Variants in ROBO1 observed in about 807,000 individuals in gnomAD.
ROBO1 encodes roundabout guidance receptor 1, also known as roundabout homolog 1.
A neutral mutation model predicts 195.9 loss-of-function variants in ROBO1; 149 were observed. The observed-to-expected ratio is 0.76, with a 90% CI of 0.67 to 0.87. The LOEUF is 0.87. Ranked by LOEUF, ROBO1 falls within the 40% of genes least tolerant of loss-of-function variation. The probability of loss-of-function intolerance (pLI) is 0.00; values close to 1 mark genes in which losing one functional copy is unlikely to be tolerated. For synonymous variants in ROBO1, 816 were observed against 733.2 expected (o/e 1.11, Z -1.82); for missense variants, 1,933 against 2,068.3 (o/e 0.93, Z 1.27).
In ROBO1 at chr3:79,235,391, G is replaced by A. The variant is rs1262791025; in HGVS notation, c.89-109852C>T. 4.5e-4 allele frequency among the ~76,000 whole-genome samples: 68 copies of A among 152,194 alleles called. No homozygotes were observed. The East Asian group carries it at 0.01, about 23-fold the overall frequency. ...TCATTATAATAGTAAGGGGCGCTGT[G>A]TAGATCCCCTCTCCAAAACATATAC... is the stretch of plus-strand genomic sequence containing the variant. On this transcript the variant is annotated intron_variant, in intron 2 of 30. Transcript: ENST00000464233.
At chr3:79,064,330 C>T (rs1284356156) in intron 3 of ROBO1, among the ~76,000 whole-genome samples, 1 of 151,784 alleles carries the variant, frequency 6.6e-6, no homozygotes, top group South Asian at 2.1e-4. Flanking sequence ...ACCAAGTGTA[C>T]TCTGATTTTC....
intron 2 of ROBO1, among the ~76,000 whole-genome samples, chr3:79,163,471 T>C (rs1170052524): frequency 6.6e-6 from 1 of 152,164 alleles, no homozygotes; most frequent in Non-Finnish European, 1.5e-5. Flanking sequence ...CTGTTGTGAA[T>C]AACGCAGCTA....
chr3:79,641,333 T>C (rs1945652915), intron 1 of ROBO1, among the ~76,000 whole-genome samples: 1 of 152,148 alleles, frequency 6.6e-6, no homozygotes, highest in South Asian at 2.1e-4. Context: ...CAACCTTCCC[T>C]ACACAACTCT....
intron 1 of ROBO1, among the ~76,000 whole-genome samples, chr3:79,750,420 T>A (rs77780289): frequency 0.037 from 5,594 of 152,190 alleles, 352 homozygotes; most frequent in African/African-American, 0.13. Context: ...TAGGAAGGCA[T>A]GATTGGTTTT....
intron 2 of ROBO1, among the ~76,000 whole-genome samples, chr3:79,383,475 G>A (rs1460426698): frequency 6.6e-6 from 1 of 151,894 alleles, no homozygotes; most frequent in Non-Finnish European, 1.5e-5. Flanking sequence ...TGGACCTGGA[G>A]GTGCAATTTT....
At chr3:78,919,194 T>G (rs954939157) in intron 4 of ROBO1, among the ~76,000 whole-genome samples, 2 of 152,182 alleles carry the variant, frequency 1.3e-5, no homozygotes, top group African/African-American at 2.4e-5. Context: ...CAGGCTCAAG[T>G]GTATCCTCAC....
chr3:78,735,268 C>T, intron 5 of ROBO1, among the ~76,000 whole-genome samples: 1 of 152,118 alleles, frequency 6.6e-6, no homozygotes, highest in East Asian at 1.9e-4. Flanking sequence ...CTGTTATCAA[C>T]AGTCCTCAAA....
chr3:78,751,928 T>G lies in ROBO1; in HGVS notation c.500-5028A>C, dbSNP rs149423845. 3.5e-3 allele frequency among the ~76,000 whole-genome samples: 539 copies of G among 152,222 alleles called. 4 individuals are homozygous for G. Among genetic ancestry groups the G allele is most frequent in the African/African-American group, 0.012 (510 of 41,570 alleles). On this transcript the variant is annotated intron_variant, in intron 4 of 30. Coordinates refer to ENST00000464233, the MANE Select transcript of ROBO1 (RefSeq NM_002941.4). ...AATAGGGGAAGATATTCTGCAGTCC[T>G]GGGATTTATTTTTTTCTACTTCCAT...
At chr3:79,462,297 AT>A (rs1359185813) in intron 2 of ROBO1, among the ~76,000 whole-genome samples, 2 of 152,102 alleles carry the variant, frequency 1.3e-5, no homozygotes, top group Admixed American at 6.6e-5. Flanking sequence ...ACCTGTATCT[AT>A]TTTGTCATTA....
chr3:78,783,457 C>T (rs1468919880), intron 4 of ROBO1, among the ~76,000 whole-genome samples: 2 of 152,066 alleles, frequency 1.3e-5, no homozygotes, highest in Non-Finnish European at 2.9e-5. Context: ...GATGAATTCA[C>T]TATTAATAGC....
intron 5 of ROBO1, among the ~76,000 whole-genome samples, chr3:78,724,108 G>T (rs1207694955): frequency 6.6e-6 from 1 of 152,072 alleles, no homozygotes; most frequent in Non-Finnish European, 1.5e-5. Flanking sequence ...TGGTAAAAGT[G>T]AAAGAACAAA....
In ROBO1 at chr3:78,757,851, A is replaced by G. The variant is rs922810050; in HGVS notation, c.500-10951T>C. On this transcript the variant is annotated intron_variant, in intron 4 of 30. Coordinates refer to ENST00000464233, the MANE Select transcript of ROBO1 (RefSeq NM_002941.4). ...TTTAATTGGTGACAGTCTGCCCTAA[A>G]TCACTTTTATTATTGCTGAACATAA... 2.0e-5 allele frequency among the ~76,000 whole-genome samples: 3 copies of G among 152,316 alleles called. No individual in the cohort carries two copies. In the East Asian group the frequency reaches 5.8e-4, roughly 29 times the overall value.
rs146102199 is a variant in ROBO1 at position 79,193,334 on chromosome 3, T to A, written c.89-67795A>T. On this transcript the variant is annotated intron_variant, in intron 2 of 30. Transcript: ENST00000464233. ...TCAGGACATACTTTTCCAATCACCA[T>A]CTAAAACAATTTACATATATTATCT... Among the ~76,000 whole-genome samples, 181 of 151,734 alleles carry A rather than the reference T, an allele frequency of 1.2e-3. 5 individuals are homozygous for A. In the East Asian group the frequency reaches 0.025, roughly 21 times the overall value.
At chr3:78,850,712 C>T (rs1205687751) in intron 4 of ROBO1, among the ~76,000 whole-genome samples, 4 of 152,094 alleles carry the variant, frequency 2.6e-5, no homozygotes, top group Admixed American at 6.6e-5. Context: ...AGTACAAGGA[C>T]GTCAAACAGA....
At chr3:79,354,107 G>C (rs1272021356) in intron 2 of ROBO1, among the ~76,000 whole-genome samples, 1 of 151,728 alleles carries the variant, frequency 6.6e-6, no homozygotes, top group Non-Finnish European at 1.5e-5. Context: ...TACTACTGTT[G>C]CTGCTGCCAC....
chr3:79,158,665 A>G (rs2080900859), intron 2 of ROBO1, among the ~76,000 whole-genome samples: 1 of 151,714 alleles, frequency 6.6e-6, no homozygotes, highest in African/African-American at 2.4e-5. Flanking sequence ...GATAATAAAC[A>G]CCTGTCCCAA....
intron 1 of ROBO1, among the ~76,000 whole-genome samples, chr3:79,752,336 A>G (rs956056727): frequency 6.6e-6 from 1 of 152,192 alleles, no homozygotes; most frequent in African/African-American, 2.4e-5. Context: ...ATTTTTTAAT[A>G]AAACCTATGT....
intron 4 of ROBO1, among the ~76,000 whole-genome samples, chr3:78,922,605 C>CTTTTTTTT (rs565147879): frequency 8.1e-6 from 1 of 123,144 alleles, no homozygotes; most frequent in Non-Finnish European, 1.7e-5. Flanking sequence ...TCTTCTTCTT[C>CTTTTTTTT]TTTTTTTTTT....
intron 4 of ROBO1, among the ~76,000 whole-genome samples, chr3:78,866,943 A>G (rs2035220485): frequency 6.6e-6 from 1 of 152,208 alleles, no homozygotes; most frequent in Non-Finnish European, 1.5e-5. Flanking sequence ...AGACTGTAAT[A>G]GATCCATTTG....
Sources: allele counts gnomAD v4.1 joint callset (sites outside exome capture counted in the v4.1 genomes callset), GRCh38; gene constraint gnomAD v4.1.1; transcripts MANE v1.5; gene names NCBI Gene and HGNC (gene_info 2026-07-23, HGNC 2026-07-21).